The following WDFY3 variants were observed in gnomAD, a reference collection of about 807,000 sequenced individuals.
WDFY3 encodes WD repeat and FYVE domain containing 3, also known as WD repeat and FYVE domain-containing protein 3.
In WDFY3, 66 loss-of-function variants were observed where a neutral mutation model predicts 409.6. The ratio of observed to expected loss-of-function variants is 0.16; its 90% CI spans 0.13 to 0.20. WDFY3 has a LOEUF of 0.20. Among genes scored for constraint, WDFY3 ranks in the 10% least tolerant of loss-of-function variants. WDFY3 has a pLI of 1.00. For missense variants in WDFY3, 3,031 were observed against 4,298.1 expected (o/e 0.71, Z 8.24); for synonymous variants, 1,521 against 1,537.1 (o/e 0.99, Z 0.25).
In WDFY3 at chr4:84,736,227, T is replaced by C. The variant is rs368928666; in HGVS notation, c.6858A>G (p.Thr2286=). 5 of 1,613,410 alleles carry C rather than the reference T, an allele frequency of 3.1e-6. No individual in the cohort carries two copies. The highest frequency in any genetic ancestry group is 4.2e-6 in the Non-Finnish European group (5 of 1,179,628). Reference sequence around the variant, plus strand: ...TTTCTTTTCGATTCCTTCTTGATCCTGTTAACTTGGAAAGACCAAAGCCAC... The same window carrying C: ...TTTCTTTTCGATTCCTTCTTGATCCCGTTAACTTGGAAAGACCAAAGCCAC... ...VSSGFGLSKL[T]GSRRNRKESG... The change falls in exon 42 of 68, where the codon ACA becomes ACG. Residue 2286 remains threonine (T), a synonymous_variant. Coordinates refer to ENST00000295888, the MANE Select transcript of WDFY3 (RefSeq NM_014991.6).
intron 2 of WDFY3, among the ~76,000 whole-genome samples, chr4:84,914,193 G>A (rs892896313): frequency 3.9e-5 from 6 of 152,020 alleles, no homozygotes; most frequent in East Asian, 3.9e-4. Context: ...AGGCCGAGGC[G>A]GGCGGATCAC....
intron 3 of WDFY3, among the ~76,000 whole-genome samples, chr4:84,864,365 C>CAAAAA (rs35016773): frequency 1.4e-3 from 44 of 32,368 alleles, no homozygotes; most frequent in South Asian, 3.3e-3. Context: ...GACTCCATCT[C>CAAAAA]AAAAAAAAAA....
chr4:84,906,039 C>T (rs12501332), intron 2 of WDFY3, among the ~76,000 whole-genome samples: 101,780 of 152,060 alleles, frequency 0.67, 36,166 homozygotes, highest in African/African-American at 0.92. Context: ...TATACATTTA[C>T]CATCTAGTTG....
intron 10 of WDFY3, among the ~76,000 whole-genome samples, chr4:84,824,379 T>G (rs894793961): frequency 4.6e-5 from 7 of 152,298 alleles, no homozygotes; most frequent in African/African-American, 1.7e-4. Flanking sequence ...ATATGTATGA[T>G]GTGGAAGAAA....
At chr4:84,730,307 G>A (rs1032662533) in intron 44 of WDFY3, among the ~76,000 whole-genome samples, 2 of 152,058 alleles carry the variant, frequency 1.3e-5, no homozygotes, top group African/African-American at 2.4e-5. Context: ...AGAAAGCAAA[G>A]GAAAAAAGTC....
Position 84,798,047 on chromosome 4 carries a change from G to T in WDFY3, c.2884C>A (p.Gln962Lys), listed in dbSNP as rs1385599439. 2 of 1,613,236 alleles carry T rather than the reference G, an allele frequency of 1.2e-6. No individual in the cohort carries two copies. Among genetic ancestry groups the T allele is most frequent in the African/African-American group, 1.3e-5 (1 of 74,842 alleles). The change falls in exon 18 of 68, where the codon CAA becomes AAA. Residue 962 changes from glutamine (Q) to lysine (K), a missense_variant. Physicochemically the swap from Gln to Lys is moderately conservative, Grantham distance 53 (BLOSUM62 1). Coordinates refer to ENST00000295888, the MANE Select transcript of WDFY3 (RefSeq NM_014991.6). Reference sequence around the variant, plus strand: ...GAACTTGGTTTGTGGACCCTATATTGTTTTAGCAGTTTTTTGTCCCAGGCA... The same window carrying T: ...GAACTTGGTTTGTGGACCCTATATTTTTTTAGCAGTTTTTTGTCCCAGGCA... Reference protein sequence around the residue: ...CGAWDKKLLKQYRVHKPSSLS... With the variant: ...CGAWDKKLLKKYRVHKPSSLS...
At chr4:84,850,926 CTGTTTTTT>C (rs1560922766) in intron 4 of WDFY3, among the ~76,000 whole-genome samples, 474 of 32,120 alleles carry the variant, frequency 0.015, 20 homozygotes, top group Admixed American at 0.045. Context: ...TTTTATTTAT[CTGTTTTTT>C]TTTTTTTTTT....
At chr4:84,775,192 C>T in intron 27 of WDFY3, 54 bp from the exon 28 acceptor site, 1 of 1,476,544 alleles carries the variant, frequency 6.8e-7, no homozygotes, top group Non-Finnish European at 9.4e-7. Context: ...TGCCCAAATG[C>T]CAAACCAACA....
rs1578313051 is a variant in WDFY3, at chr4:84,739,205, C to T, written c.6465-86G>A. On this transcript the variant is annotated intron_variant, in intron 39 of 67. Coordinates refer to ENST00000295888, the MANE Select transcript of WDFY3 (RefSeq NM_014991.6). Reference sequence around the variant, plus strand: ...ACTAAGAATTACTCTATTTCCATTACCAGCAGACACTGAATGTCTACTCAG... The same window carrying T: ...ACTAAGAATTACTCTATTTCCATTATCAGCAGACACTGAATGTCTACTCAG... 9 of 1,306,768 alleles carry T rather than the reference C, an allele frequency of 6.9e-6. No homozygotes were observed. The East Asian group carries it at 2.2e-4, about 31-fold the overall frequency. 80.9% of individuals were successfully genotyped at this position (1,306,768 alleles called of 1,614,324 possible).
At chr4:84,677,597 T>C (rs1726522101) in intron 66 of WDFY3, among the ~76,000 whole-genome samples, 1 of 152,190 alleles carries the variant, frequency 6.6e-6, no homozygotes, top group Non-Finnish European at 1.5e-5. Flanking sequence ...CATTTCAATT[T>C]TCTTTGGATC....
intron 2 of WDFY3, among the ~76,000 whole-genome samples, chr4:84,918,164 A>G (rs1025327496): frequency 6.6e-6 from 1 of 152,138 alleles, no homozygotes; most frequent in African/African-American, 2.4e-5. Context: ...GCAAAACTAC[A>G]TAGGCATTTA....
At chr4:84,713,123 T>C (rs1206930894) in intron 51 of WDFY3, 36 bp downstream of exon 51, 2 of 1,598,682 alleles carry the variant, frequency 1.3e-6, no homozygotes. Flanking sequence ...CCAACTTCAC[T>C]ATTAAACTGT....
rs757288492 is a variant in WDFY3, at chr4:84,724,624, A to G, written c.7273-30T>C. 17 of 1,602,082 alleles carry G rather than the reference A, an allele frequency of 1.1e-5. No homozygotes were observed. The Admixed American group carries it at 2.2e-4, about 21-fold the overall frequency. ...GAAATGACAAAAGAAAATGACTCCGATAACTATCACCAAGAATTAAAACGT... is the reference window on the plus strand; with the variant it reads ...GAAATGACAAAAGAAAATGACTCCGGTAACTATCACCAAGAATTAAAACGT... On this transcript the variant is annotated intron_variant, in intron 45 of 67. Coordinates refer to ENST00000295888, the MANE Select transcript of WDFY3 (RefSeq NM_014991.6).
At chr4:84,678,040 T>C in intron 66 of WDFY3, 128 bp downstream of exon 66, 1 of 546,576 alleles carries the variant, frequency 1.8e-6, no homozygotes, top group Non-Finnish European at 3.3e-6. Flanking sequence ...TTCAAATTTA[T>C]CTCTTTGAGC....
intron 36 of WDFY3, among the ~76,000 whole-genome samples, chr4:84,745,176 C>T (rs2149256941): frequency 6.6e-6 from 1 of 152,228 alleles, no homozygotes; most frequent in African/African-American, 2.4e-5. Context: ...TAGCAAGGAA[C>T]TGGGAACAGA....
chr4:84,748,995 G>A (rs952989440), intron 36 of WDFY3, among the ~76,000 whole-genome samples: 10 of 151,788 alleles, frequency 6.6e-5, no homozygotes, highest in Admixed American at 3.9e-4. Flanking sequence ...GGGCTCAAGC[G>A]ATCCTTCCAC....
At chr4:84,838,433 T>C (rs1171120965) in intron 6 of WDFY3, among the ~76,000 whole-genome samples, 2 of 152,222 alleles carry the variant, frequency 1.3e-5, no homozygotes. Context: ...TTGGCAGTGA[T>C]GACCCAGTGA....
At chr4:84,874,571 G>GT (rs897014066) in intron 3 of WDFY3, among the ~76,000 whole-genome samples, 15 of 152,096 alleles carry the variant, frequency 9.9e-5, no homozygotes, top group African/African-American at 3.6e-4. Flanking sequence ...CACACTGAAA[G>GT]TATCTCCCAG....
chr4:84,894,750 C>T lies in WDFY3; in HGVS notation c.-32+2161G>A, dbSNP rs143625708. On this transcript the variant is annotated intron_variant, in intron 3 of 67. Coordinates refer to ENST00000295888, the MANE Select transcript of WDFY3 (RefSeq NM_014991.6). ...GCAGCGAGCCGAGACTGCGTCACCGCACTCCGGCCTGGGTGACAAAGCGAG... is the reference window on the plus strand; with the variant it reads ...GCAGCGAGCCGAGACTGCGTCACCGTACTCCGGCCTGGGTGACAAAGCGAG... Among the ~76,000 whole-genome samples the T allele has an allele frequency of 7.0e-3, 1,065 of 151,618 alleles. 7 individuals carry two copies. Among genetic ancestry groups the T allele is most frequent in the Middle Eastern group, 0.058 (17 of 294 alleles).
Sources: allele counts gnomAD v4.1 joint callset (sites outside exome capture counted in the v4.1 genomes callset), GRCh38; gene constraint gnomAD v4.1.1; transcripts MANE v1.5; gene names NCBI Gene and HGNC (gene_info 2026-07-23, HGNC 2026-07-21).